The following CD2AP variants were observed in gnomAD, a reference collection of about 807,000 sequenced individuals.
CD2AP encodes CD2-associated protein.
In CD2AP, 46 loss-of-function variants were observed where a neutral mutation model predicts 85.1. The ratio of observed to expected loss-of-function variants is 0.54; its 90% CI spans 0.43 to 0.69. The LOEUF is 0.69. CD2AP is among the 30% of genes least tolerant of loss of function. The pLI, the probability that CD2AP is intolerant of heterozygous loss-of-function variation, is 0.00. For synonymous variants in CD2AP, 255 were observed against 252.9 expected, an observed-to-expected ratio of 1.01 and a Z score of -0.08; for missense variants, 769 against 729.5, an observed-to-expected ratio of 1.05 and a Z score of -0.62.
chr6:47,544,723 T>TA lies in CD2AP; in HGVS notation c.420+17_420+18insA. 1 of 1,420,580 alleles carries TA rather than the reference T, an allele frequency of 7.0e-7. No homozygotes were observed. Among genetic ancestry groups the TA allele is most frequent in the Non-Finnish European group, 1.0e-6 (1 of 1,003,926 alleles). 88.0% of individuals were successfully genotyped at this position (1,420,580 alleles called of 1,614,324 possible). ...AATGAAGAGGTAAGGAAAAAATGTG[T>TA]TACAGGTAAAACAGTAATGGTAATT... On this transcript the variant is annotated intron_variant, in intron 4 of 17. Coordinates refer to ENST00000359314, the MANE Select transcript of CD2AP (RefSeq NM_012120.3).
At chr6:47,576,914 A>C in intron 7 of CD2AP, 95 bp from the exon 8 acceptor site, 1 of 777,280 alleles carries the variant, frequency 1.3e-6, no homozygotes, top group Non-Finnish European at 2.3e-6. Flanking sequence ...ATCTCTAATA[A>C]CTTTTAGTAT....
chr6:47,600,329 A>G (rs1217047281), intron 13 of CD2AP, among the ~76,000 whole-genome samples: 3 of 151,946 alleles, frequency 2.0e-5, no homozygotes, highest in African/African-American at 7.2e-5. Context: ...TAATTTTTCT[A>G]GCTTCATTGT....
At chr6:47,519,012 T>G (rs1342367521) in intron 2 of CD2AP, among the ~76,000 whole-genome samples, 2 of 152,256 alleles carry the variant, frequency 1.3e-5, no homozygotes, top group Non-Finnish European at 2.9e-5. Context: ...CACTCATTTA[T>G]TTATTCAGAT....
At chr6:47,582,724 C>G (rs920790510) in intron 11 of CD2AP, among the ~76,000 whole-genome samples, 12 of 151,638 alleles carry the variant, frequency 7.9e-5, no homozygotes, top group African/African-American at 2.7e-4. Flanking sequence ...ATTTCTCTCA[C>G]TTTAGCTCCT....
intron 1 of CD2AP, among the ~76,000 whole-genome samples, chr6:47,482,906 C>T (rs1765480437): frequency 6.6e-6 from 1 of 152,094 alleles, no homozygotes; most frequent in Non-Finnish European, 1.5e-5. Flanking sequence ...GTAATTGTGT[C>T]AAGGGCTTGC....
intron 2 of CD2AP, among the ~76,000 whole-genome samples, chr6:47,525,326 A>T (rs1766693011): frequency 6.6e-6 from 1 of 152,132 alleles, no homozygotes; most frequent in South Asian, 2.1e-4. Flanking sequence ...GAAATCCTGA[A>T]TGTTAAATTA....
intron 2 of CD2AP, among the ~76,000 whole-genome samples, chr6:47,516,833 A>G (rs1766463301): frequency 6.6e-6 from 1 of 152,182 alleles, no homozygotes; most frequent in African/African-American, 2.4e-5. Flanking sequence ...TGGACAATCA[A>G]CTGTTATTCT....
In CD2AP at chr6:47,609,536, A is replaced by AGAAAAGAAAG. The variant is rs1562055779; in HGVS notation, c.1814+241_1814+242insGGAAAAGAAA. The AGAAAAGAAAG allele has an allele frequency of 1.2e-4, 50 of 404,448 alleles. No individual in the cohort carries two copies. In the South Asian group the frequency reaches 1.3e-3, roughly 11 times the overall value. 25.1% of individuals were successfully genotyped at this position (404,448 alleles called of 1,614,324 possible). A position where few individuals can be genotyped will look rare whatever the true frequency, so the allele number is the denominator to read the frequency against. On this transcript the variant is annotated intron_variant, in intron 16 of 17. Transcript: ENST00000359314. ...TGCAAAAAAAAAAAAAAAAAAGAAA[A>AGAAAAGAAAG]GAAAAGAAAAGAAAAAGCCAGGCTT...
At chr6:47,613,556 T>G (rs1392237858) in intron 17 of CD2AP, among the ~76,000 whole-genome samples, 1 of 152,054 alleles carries the variant, frequency 6.6e-6, no homozygotes, top group Non-Finnish European at 1.5e-5. Context: ...GCTTAAAATA[T>G]TCAGTAAATC....
intron 2 of CD2AP, among the ~76,000 whole-genome samples, chr6:47,508,179 A>G (rs866871263): frequency 6.6e-6 from 1 of 152,196 alleles, no homozygotes; most frequent in Non-Finnish European, 1.5e-5. Context: ...ATTTCTTTCT[A>G]CTTATGAAAG....
chr6:47,588,171 C>T (rs2114117788), intron 11 of CD2AP, among the ~76,000 whole-genome samples: 1 of 152,192 alleles, frequency 6.6e-6, no homozygotes, highest in African/African-American at 2.4e-5. Context: ...TAGATTCCAG[C>T]TTAAAATTTT....
At chr6:47,584,522 C>T (rs1186474633) in intron 11 of CD2AP, among the ~76,000 whole-genome samples, 5 of 151,852 alleles carry the variant, frequency 3.3e-5, no homozygotes, top group Non-Finnish European at 5.9e-5. Flanking sequence ...ATTCAAGGCC[C>T]TCCAGTAACT....
intron 2 of CD2AP, among the ~76,000 whole-genome samples, chr6:47,504,375 G>A (rs748212424): frequency 6.6e-6 from 1 of 152,112 alleles, no homozygotes; most frequent in Non-Finnish European, 1.5e-5. Flanking sequence ...GAATAAACTT[G>A]TGTTTATTTT....
chr6:47,513,649 G>A (rs533467562), intron 2 of CD2AP, among the ~76,000 whole-genome samples: 39 of 151,702 alleles, frequency 2.6e-4, no homozygotes, highest in African/African-American at 8.2e-4. Context: ...TCCATTGTCC[G>A]GCTAAGTATT....
chr6:47,623,936 A>G lies in CD2AP; in HGVS notation c.1879-250A>G, dbSNP rs150547313. Among the ~76,000 whole-genome samples, 544 of 152,262 alleles carry G rather than the reference A, an allele frequency of 3.6e-3. 2 individuals are homozygous for G. The highest frequency in any genetic ancestry group is 0.012 in the African/African-American group (515 of 41,560). On this transcript the variant is annotated intron_variant, in intron 17 of 17. Coordinates refer to ENST00000359314, the MANE Select transcript of CD2AP (RefSeq NM_012120.3). ...TTTACAGCTTTAATTTTAAATGCTC[A>G]CATGACTTAACATTTGTTCTGGCTG...
At chr6:47,536,620 T>A (rs1767054503) in intron 3 of CD2AP, among the ~76,000 whole-genome samples, 1 of 152,238 alleles carries the variant, frequency 6.6e-6, no homozygotes, top group African/African-American at 2.4e-5. Flanking sequence ...ACTTTTGCTA[T>A]GATCCATTGC....
intron 17 of CD2AP, among the ~76,000 whole-genome samples, chr6:47,622,051 A>G (rs958335680): frequency 1.3e-5 from 2 of 152,190 alleles, no homozygotes; most frequent in Non-Finnish European, 2.9e-5. Flanking sequence ...TGAGATTGCC[A>G]GGTCACTGGA....
Position 47,478,176 on chromosome 6 carries a change from C to A in CD2AP, c.-69C>A, listed in dbSNP as rs946137629. The A allele has an allele frequency of 1.6e-5, 25 of 1,547,130 alleles. 1 individual carries two copies. The Middle Eastern group carries it at 9.5e-4, about 59-fold the overall frequency. ...TCCCGCCTCCAGCCGCGGGAGCGGC[C>A]GCGCGAGCCACCACTGGAGGAGGAG... On this transcript the variant is annotated 5_prime_UTR_variant, in exon 1 of 18. Coordinates refer to ENST00000359314, the MANE Select transcript of CD2AP (RefSeq NM_012120.3).
rs1554182232 is a variant in CD2AP, at chr6:47,589,379, T to TACACACACACACACACACACACACAC, written c.1109-6467_1109-6466insCACACACACACACACACACACACACA. Among the ~76,000 whole-genome samples, 815 of 139,416 alleles carry TACACACACACACACACACACACACAC rather than the reference T, an allele frequency of 5.8e-3. 11 individuals are homozygous for TACACACACACACACACACACACACAC. Among genetic ancestry groups the TACACACACACACACACACACACACAC allele is most frequent in the East Asian group, 0.014 (67 of 4,792 alleles). 91.5% of individuals were successfully genotyped at this position (139,416 alleles called of 152,430 possible). The stretch of plus-strand genomic sequence containing the variant: ...TTTGATGACCAGGAACTCTTGAATA[T>TACACACACACACACACACACACACAC]ACACACACACACACAAATGTATATA... On this transcript the variant is annotated intron_variant, in intron 11 of 17. Transcript: ENST00000359314.
Sources: gnomAD v4.1 joint callset for allele counts (sites outside exome capture counted in the v4.1 genomes callset) on GRCh38, gnomAD v4.1.1 for gene constraint, MANE v1.5 for transcripts, NCBI Gene and HGNC (gene_info 2026-07-23, HGNC 2026-07-21) for gene names.